RNF145: variants seen among roughly 807,000 people sequenced by gnomAD.
RNF145 encodes the protein ring finger protein 145.
Under a neutral mutation model 57.3 loss-of-function variants are expected in RNF145, and 12 were observed. That is an observed-to-expected ratio of 0.21 (90% confidence interval 0.13 to 0.34). The LOEUF (loss-of-function observed/expected upper bound fraction) is 0.34, where lower values mean the gene tolerates loss of function less well. Among genes scored for constraint, RNF145 ranks in the 10% least tolerant of loss-of-function variants. RNF145 has a pLI of 1.00. For synonymous variants in RNF145, 262 were observed against 288.3 expected (o/e 0.91, Z 0.92); for missense variants, 429 against 799.0 (o/e 0.54, Z 5.58).
intron 3 of RNF145, among the ~76,000 whole-genome samples, chr5:159,188,502 T>C (rs1374220045): frequency 2.6e-5 from 4 of 152,204 alleles, no homozygotes; most frequent in East Asian, 3.9e-4. Flanking sequence ...ACAGGAATAG[T>C]AGTATCAGTG....
intron 8 of RNF145, among the ~76,000 whole-genome samples, chr5:159,167,990 A>G (rs943614228): frequency 6.6e-6 from 1 of 152,186 alleles, no homozygotes; most frequent in Admixed American, 6.5e-5. Flanking sequence ...ATAAATTCAG[A>G]TGTATTTCTA....
intron 4 of RNF145, among the ~76,000 whole-genome samples, chr5:159,178,335 T>C (rs976966941): frequency 6.6e-6 from 1 of 151,990 alleles, no homozygotes; most frequent in Non-Finnish European, 1.5e-5. Context: ...TAATTTGAAA[T>C]GCCACTGTAG....
At chr5:159,193,935 T>C (rs1342619727) in intron 3 of RNF145, among the ~76,000 whole-genome samples, 16 of 152,212 alleles carry the variant, frequency 1.1e-4, no homozygotes, top group Admixed American at 1.0e-3. Flanking sequence ...AAATTATACC[T>C]CCAAAATATA....
chr5:159,203,038 C>T (rs6893046), intron 2 of RNF145, among the ~76,000 whole-genome samples: 57,690 of 151,552 alleles, frequency 0.38, 12,684 homozygotes, highest in African/African-American at 0.59. Flanking sequence ...TTAATGTTTT[C>T]GTTTATCTCA....
At chr5:159,194,920 G>T (rs1470954604) in intron 2 of RNF145, 96 bp from the exon 3 acceptor site, 2 of 843,890 alleles carry the variant, frequency 2.4e-6, no homozygotes, top group East Asian at 2.8e-5. Context: ...TTCCAAATAG[G>T]TTTCAGTACT....
upstream of RNF145, chr5:159,209,618 T>TCCCGCGCGCG (rs1584720618): frequency 7.5e-6 from 8 of 1,067,772 alleles, no homozygotes; most frequent in Non-Finnish European, 9.3e-6. Context: ...GGCGCGCCCC[T>TCCCGCGCGCG]CCCGCGCGCG....
chr5:159,160,763 C>T (rs1213899516), intron 10 of RNF145, among the ~76,000 whole-genome samples: 2 of 152,184 alleles, frequency 1.3e-5, no homozygotes, highest in African/African-American at 2.4e-5. Flanking sequence ...GTAGCCTTTA[C>T]CATATTCACC....
rs1007057490 is a variant in RNF145, at chr5:159,157,777, A to G, written c.*893T>C. 1.3e-5 allele frequency: 2 copies of G among 152,788 alleles called. No homozygotes were observed. Among genetic ancestry groups the G allele is most frequent in the African/African-American group, 4.8e-5 (2 of 41,466 alleles). 9.5% of individuals were successfully genotyped at this position (152,788 alleles called of 1,614,324 possible). On this transcript the variant is annotated 3_prime_UTR_variant, in exon 11 of 11. Coordinates refer to ENST00000424310, the MANE Select transcript of RNF145 (RefSeq NM_001199383.2). ...AAAGTGCAAATATTGCCATAATTTA[A>G]CACTGTTTTGATTCAGTTGCAAGAA...
intron 9 of RNF145, 76 bp downstream of exon 9, chr5:159,162,856 A>G: frequency 8.1e-7 from 1 of 1,229,176 alleles, no homozygotes; most frequent in East Asian, 2.4e-5. Context: ...TTCATCTTGA[A>G]AAAATTTAAT....
rs992491900 is a variant in RNF145, at chr5:159,182,131, T to C, written c.294-80A>G. ...ACAATATGCTTATAAAAGCATATTATGTTAATGATACCCCTTTCCATATCT... is the reference window on the plus strand; with the variant it reads ...ACAATATGCTTATAAAAGCATATTACGTTAATGATACCCCTTTCCATATCT... On this transcript the variant is annotated intron_variant, in intron 3 of 10. Transcript: ENST00000424310. The C allele has an allele frequency of 7.4e-6, 6 of 810,498 alleles. No homozygotes were observed. In the Admixed American group the frequency reaches 1.2e-4, roughly 17 times the overall value. 50.2% of individuals were successfully genotyped at this position (810,498 alleles called of 1,614,324 possible).
intron 3 of RNF145, among the ~76,000 whole-genome samples, chr5:159,190,994 T>TA (rs1217845917): frequency 1.3e-5 from 2 of 151,132 alleles, no homozygotes; most frequent in South Asian, 4.2e-4. Context: ...TACAAAGGGG[T>TA]ATCCAATCTT....
intron 3 of RNF145, among the ~76,000 whole-genome samples, chr5:159,192,563 T>A (rs757171349): frequency 6.6e-6 from 1 of 152,158 alleles, no homozygotes; most frequent in African/African-American, 2.4e-5. Flanking sequence ...TTTTTAAAGA[T>A]TAACAATGAG....
In RNF145 at chr5:159,161,289, C is replaced by A; in HGVS notation, c.1603G>T (p.Asp535Tyr). The A allele has an allele frequency of 6.2e-7, 1 of 1,609,420 alleles. No homozygotes were observed. The highest frequency in any genetic ancestry group is 8.5e-7 in the Non-Finnish European group (1 of 1,176,326). Residue 535 changes from aspartate (D) to tyrosine (Y), a missense_variant, in exon 10 of 11, where the codon GAT (aspartate) becomes TAT (tyrosine). Physicochemically the swap from Asp to Tyr is radical, Grantham distance 160 (BLOSUM62 -3). Around this residue, in one of 4 missense-constraint regions of RNF145, gnomAD observed 216 missense variants for 457.6 expected, o/e 0.47. Coordinates refer to ENST00000424310, the MANE Select transcript of RNF145 (RefSeq NM_001199383.2). ...ACCTGATAACAGATGGCACAAATAT[C>A]ATTGTGTTTCTCAAGCTGCTCTTTC... ...ATKEQLEKHN[D>Y]ICAICYQDMK...
At chr5:159,168,418 T>C (rs1334151098) in intron 8 of RNF145, among the ~76,000 whole-genome samples, 1 of 152,190 alleles carries the variant, frequency 6.6e-6, no homozygotes, top group Non-Finnish European at 1.5e-5. Flanking sequence ...TAAATGTCTA[T>C]TTTATGATTA....
chr5:159,190,665 A>G (rs1297486498), intron 3 of RNF145, among the ~76,000 whole-genome samples: 1 of 141,832 alleles, frequency 7.1e-6, no homozygotes, highest in African/African-American at 2.7e-5. Flanking sequence ...CCTTGGTGAC[A>G]CAGTGACAAC....
In RNF145 at chr5:159,169,832, A is replaced by C. The variant is rs763968624; in HGVS notation, c.798-13T>G. 92 of 1,588,738 alleles carry C rather than the reference A, an allele frequency of 5.8e-5. No homozygotes were observed. The highest frequency in any genetic ancestry group is 7.3e-5 in the Non-Finnish European group (86 of 1,171,376). The stretch of plus-strand genomic sequence containing the variant: ...GCATTCCGCAATACTGGAAAAAAAG[A>C]GGGGGAAATTAACAGACATAAACTT... On this transcript the variant is annotated splice_polypyrimidine_tract_variant and intron_variant, in intron 6 of 10. Coordinates refer to ENST00000424310, the MANE Select transcript of RNF145 (RefSeq NM_001199383.2).
intron 3 of RNF145, among the ~76,000 whole-genome samples, chr5:159,194,296 C>T (rs771654943): frequency 2.0e-5 from 3 of 152,090 alleles, no homozygotes; most frequent in Non-Finnish European, 2.9e-5. Context: ...GATATCCTCC[C>T]GAGTAGATGG....
At chr5:159,167,593 T>C (rs916807825) in intron 8 of RNF145, among the ~76,000 whole-genome samples, 3 of 152,206 alleles carry the variant, frequency 2.0e-5, no homozygotes, top group Admixed American at 1.3e-4. Flanking sequence ...AAAATACTAA[T>C]TGTACTTAGG....
chr5:159,208,422 T>C (rs1047136205), intron 1 of RNF145, among the ~76,000 whole-genome samples: 13 of 151,500 alleles, frequency 8.6e-5, no homozygotes, highest in Non-Finnish European at 1.6e-4. Context: ...AGAAAGGGGG[T>C]TCACGGGTCT....
Sources: allele counts gnomAD v4.1 joint callset (sites outside exome capture counted in the v4.1 genomes callset), GRCh38; gene constraint gnomAD v4.1.1; regional missense constraint gnomAD v4.1.1; transcripts MANE v1.5; gene names NCBI Gene and HGNC (gene_info 2026-07-23, HGNC 2026-07-21).